LRRC4C: variants seen among roughly 807,000 people sequenced by gnomAD.
LRRC4C encodes the protein leucine-rich repeat-containing protein 4C.
In LRRC4C, 5 loss-of-function variants were observed where a neutral mutation model predicts 33.6. The observed-to-expected ratio is 0.15, with a 90% CI of 0.08 to 0.31. LRRC4C has a LOEUF of 0.31. LRRC4C is among the 10% of genes least tolerant of loss of function. LRRC4C has a pLI of 1.00. For synonymous variants in LRRC4C, 329 were observed against 302.0 expected, an observed-to-expected ratio of 1.09 and a Z score of -0.93; for missense variants, 560 against 796.7, an observed-to-expected ratio of 0.70 and a Z score of 3.58.
chr11:40,350,453 G>A lies in LRRC4C; in HGVS notation c.-269-30732C>T, dbSNP rs1446074565. On this transcript the variant is annotated intron_variant, in intron 3 of 6. Coordinates refer to ENST00000528697, the MANE Select transcript of LRRC4C (RefSeq NM_001258419.2). ...GAAATTCTAGTCCATTGGTCTATGTGTCTGTTTTTATGCCAGTACAATGAT... is the reference window on the plus strand; with the variant it reads ...GAAATTCTAGTCCATTGGTCTATGTATCTGTTTTTATGCCAGTACAATGAT... Among the ~76,000 whole-genome samples the A allele has an allele frequency of 3.9e-5, 6 of 152,112 alleles. No individual in the cohort carries two copies. The South Asian group carries it at 1.2e-3, about 32-fold the overall frequency.
intron 4 of LRRC4C, among the ~76,000 whole-genome samples, chr11:40,257,677 C>T (rs1213882221): frequency 6.6e-6 from 1 of 152,100 alleles, no homozygotes; most frequent in Non-Finnish European, 1.5e-5. Flanking sequence ...GAAAGTTTTC[C>T]CTACTTTTAA....
intron 1 of LRRC4C, among the ~76,000 whole-genome samples, chr11:40,991,537 A>G (rs1349691073): frequency 6.6e-6 from 1 of 152,208 alleles, no homozygotes; most frequent in Admixed American, 6.5e-5. Flanking sequence ...TTATTTGTGC[A>G]CTTTATTTCT....
At chr11:41,211,934 T>C (rs1326576563) in intron 1 of LRRC4C, among the ~76,000 whole-genome samples, 2 of 152,356 alleles carry the variant, frequency 1.3e-5, no homozygotes, top group East Asian at 3.9e-4. Flanking sequence ...TGAACTAGTT[T>C]ACAGTCCCAC....
intron 3 of LRRC4C, among the ~76,000 whole-genome samples, chr11:40,346,543 C>CT (rs1398336579): frequency 2.6e-5 from 4 of 152,054 alleles, no homozygotes; most frequent in Non-Finnish European, 1.5e-5. Context: ...ACACCGAGGC[C>CT]TATCAGAGGC....
chr11:40,772,116 T>G (rs1170559539), intron 2 of LRRC4C, among the ~76,000 whole-genome samples: 1 of 152,162 alleles, frequency 6.6e-6, no homozygotes, highest in Non-Finnish European at 1.5e-5. Context: ...GGGTAATTTA[T>G]AGAAGGAAGA....
At chr11:41,314,540 C>T (rs1950731370) in intron 1 of LRRC4C, among the ~76,000 whole-genome samples, 1 of 152,138 alleles carries the variant, frequency 6.6e-6, no homozygotes, top group Non-Finnish European at 1.5e-5. Flanking sequence ...CTTGAGCTAT[C>T]TGTATAAAAA....
chr11:40,871,626 C>T (rs1395048630), intron 2 of LRRC4C, among the ~76,000 whole-genome samples: 2 of 152,208 alleles, frequency 1.3e-5, no homozygotes, highest in East Asian at 1.9e-4. Context: ...GTCACTTCCA[C>T]ACTACATCCA....
chr11:40,751,946 A>T (rs1424050631), intron 2 of LRRC4C, among the ~76,000 whole-genome samples: 1 of 152,136 alleles, frequency 6.6e-6, no homozygotes, highest in Non-Finnish European at 1.5e-5. Context: ...AGATAAATCA[A>T]TGTATTTATA....
chr11:40,288,184 A>G (rs1474627062), intron 4 of LRRC4C, among the ~76,000 whole-genome samples: 1 of 152,160 alleles, frequency 6.6e-6, no homozygotes, highest in Non-Finnish European at 1.5e-5. Flanking sequence ...GCCCAGTGGG[A>G]AGCTGAGTAT....
At chr11:41,335,961 G>C (rs774417158) in intron 1 of LRRC4C, among the ~76,000 whole-genome samples, 7 of 152,168 alleles carry the variant, frequency 4.6e-5, no homozygotes, top group African/African-American at 1.4e-4. Flanking sequence ...GAAATGAATG[G>C]CCAGGCATGG....
At chr11:40,670,845 G>T (rs764248140) in intron 2 of LRRC4C, among the ~76,000 whole-genome samples, 4 of 152,086 alleles carry the variant, frequency 2.6e-5, no homozygotes, top group Non-Finnish European at 5.9e-5. Flanking sequence ...CTCACTGCAA[G>T]CTCCGCCTCC....
intron 2 of LRRC4C, among the ~76,000 whole-genome samples, chr11:40,649,054 G>A (rs1942632866): frequency 6.6e-6 from 1 of 152,178 alleles, no homozygotes; most frequent in Non-Finnish European, 1.5e-5. Flanking sequence ...ATGTTTCTGA[G>A]GAAACAGGAC....
chr11:40,546,689 G>A (rs1956938422), intron 3 of LRRC4C, among the ~76,000 whole-genome samples: 1 of 152,106 alleles, frequency 6.6e-6, no homozygotes, highest in Non-Finnish European at 1.5e-5. Flanking sequence ...GGCTAAGGAA[G>A]TGGCAAATAT....
chr11:41,242,189 T>C (rs1198215593), intron 1 of LRRC4C, among the ~76,000 whole-genome samples: 1 of 152,176 alleles, frequency 6.6e-6, no homozygotes, highest in Non-Finnish European at 1.5e-5. Flanking sequence ...GACACTACTT[T>C]GATTTTCCAG....
At chr11:40,521,885 T>TA (rs1295596549) in intron 3 of LRRC4C, among the ~76,000 whole-genome samples, 3 of 151,026 alleles carry the variant, frequency 2.0e-5, no homozygotes, top group Non-Finnish European at 3.0e-5. Flanking sequence ...TAAAATAAAA[T>TA]AAAAAAATAG....
At chr11:40,619,544 A>G (rs1962226204) in intron 3 of LRRC4C, among the ~76,000 whole-genome samples, 1 of 151,778 alleles carries the variant, frequency 6.6e-6, no homozygotes, top group Non-Finnish European at 1.5e-5. Context: ...CTAGAACACT[A>G]GGAAATGTAT....
intron 3 of LRRC4C, among the ~76,000 whole-genome samples, chr11:40,500,950 G>A (rs1184239031): frequency 2.6e-5 from 4 of 152,096 alleles, no homozygotes; most frequent in Admixed American, 2.6e-4. Context: ...AAGAAAGTTA[G>A]TTACTTCCTA....
chr11:40,839,158 A>T (rs1952807439), intron 2 of LRRC4C, among the ~76,000 whole-genome samples: 2 of 152,084 alleles, frequency 1.3e-5, no homozygotes, highest in South Asian at 4.1e-4. Flanking sequence ...TTTCTACCAA[A>T]GTTTTTCTAC....
chr11:40,737,314 C>G (rs1947921188), intron 2 of LRRC4C, among the ~76,000 whole-genome samples: 1 of 152,116 alleles, frequency 6.6e-6, no homozygotes, highest in African/African-American at 2.4e-5. Context: ...TGGCACAAGA[C>G]AAGGATGCCC....
Sources: gnomAD v4.1 joint callset for allele counts (sites outside exome capture counted in the v4.1 genomes callset) on GRCh38, gnomAD v4.1.1 for gene constraint, MANE v1.5 for transcripts, NCBI Gene and HGNC (gene_info 2026-07-23, HGNC 2026-07-21) for gene names.